Variants in CPA6 observed in about 807,000 individuals in gnomAD.
The protein encoded by CPA6 is carboxypeptidase A6, also known as carboxypeptidase B.
CPA6 carries 58 observed loss-of-function variants against 63.3 expected under a neutral mutation model. The ratio of observed to expected loss-of-function variants is 0.92; its 90% CI spans 0.74 to 1.14. The LOEUF (loss-of-function observed/expected upper bound fraction) is 1.14, where lower values mean the gene tolerates loss of function less well. Among genes scored for constraint, CPA6 ranks in the 50% most tolerant of loss-of-function variants. The pLI, the probability that CPA6 is intolerant of heterozygous loss-of-function variation, is 0.00. For synonymous variants in CPA6, 185 were observed against 179.0 expected, an observed-to-expected ratio of 1.03 and a Z score of -0.27; for missense variants, 565 against 526.6, an observed-to-expected ratio of 1.07 and a Z score of -0.71.
At position 67,434,053 on chromosome 8, in the gene CPA6, G is replaced by C. The variant is rs372964579; in HGVS notation, c.1026C>G (p.Pro342=). The C allele has an allele frequency of 1.6e-4, 262 of 1,611,008 alleles. No individual in the cohort carries two copies. The highest frequency in any genetic ancestry group is 2.1e-4 in the Non-Finnish European group (249 of 1,178,146). Reference sequence around the variant, plus strand: ...AAATACTTACCACACATCTAAAATTGGGAATTGTTGCATATTTGTAAGAAT... The same window carrying C: ...AAATACTTACCACACATCTAAAATTCGGAATTGTTGCATATTTGTAAGAAT... The part of the protein sequence containing the change: ...YPYSYKYATI[P]NFRCVESAAY... Residue 342 remains proline, a synonymous_variant, in exon 9 of 11, where the codon CCC becomes CCG. Transcript: ENST00000297770.
At chr8:67,442,550 A>G (rs1234264787) in intron 8 of CPA6, among the ~76,000 whole-genome samples, 1 of 152,200 alleles carries the variant, frequency 6.6e-6, no homozygotes, top group African/African-American at 2.4e-5. Context: ...AATATCAACA[A>G]AAGTATAAAG....
intron 1 of CPA6, among the ~76,000 whole-genome samples, chr8:67,691,016 C>T (rs543930187): frequency 4.6e-5 from 7 of 152,254 alleles, no homozygotes; most frequent in East Asian, 1.9e-4. Flanking sequence ...CATTCCCTGA[C>T]GGAAAACTTT....
chr8:67,447,468 T>C (rs960750005), intron 8 of CPA6, among the ~76,000 whole-genome samples: 13 of 151,194 alleles, frequency 8.6e-5, no homozygotes, highest in African/African-American at 3.2e-4. Context: ...GACAGACTTA[T>C]AGGAATAGGG....
chr8:67,451,538 TATAA>T (rs1810558163), intron 8 of CPA6, among the ~76,000 whole-genome samples: 1 of 152,180 alleles, frequency 6.6e-6, no homozygotes, highest in Non-Finnish European at 1.5e-5. Flanking sequence ...GTAGTAATAA[TATAA>T]ATAAAGTGCA....
intron 1 of CPA6, among the ~76,000 whole-genome samples, chr8:67,714,960 C>G (rs987057382): frequency 2.0e-5 from 3 of 152,208 alleles, no homozygotes; most frequent in South Asian, 2.1e-4. Flanking sequence ...AAGGAGCTAT[C>G]ATAGGCTTCC....
chr8:67,582,544 A>G (rs1207918105), intron 2 of CPA6, among the ~76,000 whole-genome samples: 1 of 152,232 alleles, frequency 6.6e-6, no homozygotes, highest in African/African-American at 2.4e-5. Context: ...TGTGTAATGC[A>G]TGGCTATGAA....
intron 1 of CPA6, among the ~76,000 whole-genome samples, chr8:67,739,617 T>G (rs1410348311): frequency 6.6e-6 from 1 of 152,192 alleles, no homozygotes; most frequent in Non-Finnish European, 1.5e-5. Flanking sequence ...TTGCTTTGTT[T>G]ATTCAGGGTG....
intron 1 of CPA6, among the ~76,000 whole-genome samples, chr8:67,744,026 G>T (rs1051096942): frequency 1.3e-5 from 2 of 152,164 alleles, no homozygotes; most frequent in South Asian, 2.1e-4. Flanking sequence ...TCAGATTCTT[G>T]TTCACCGGAA....
chr8:67,438,085 T>C (rs1461328071), intron 8 of CPA6, among the ~76,000 whole-genome samples: 1 of 152,132 alleles, frequency 6.6e-6, no homozygotes, highest in Non-Finnish European at 1.5e-5. Flanking sequence ...ACCTGGCTAG[T>C]TTTTGTATTT....
At chr8:67,677,457 T>C (rs1474331141) in intron 1 of CPA6, among the ~76,000 whole-genome samples, 1 of 151,510 alleles carries the variant, frequency 6.6e-6, no homozygotes, top group African/African-American at 2.4e-5. Flanking sequence ...CTTACAACAG[T>C]AGTTATCAAG....
intron 8 of CPA6, among the ~76,000 whole-genome samples, chr8:67,434,991 G>T (rs1810116536): frequency 6.6e-6 from 1 of 152,244 alleles, no homozygotes; most frequent in Non-Finnish European, 1.5e-5. Flanking sequence ...GGTCCAGGGA[G>T]TGTGGAGAGC....
intron 1 of CPA6, among the ~76,000 whole-genome samples, chr8:67,648,518 CA>C (rs1815766487): frequency 6.6e-6 from 1 of 152,096 alleles, no homozygotes; most frequent in South Asian, 2.1e-4. Context: ...CATTGCAAAG[CA>C]GCTTGGGTTT....
At chr8:67,614,133 G>A (rs1361382375) in intron 2 of CPA6, among the ~76,000 whole-genome samples, 2 of 152,192 alleles carry the variant, frequency 1.3e-5, no homozygotes, top group African/African-American at 4.8e-5. Context: ...AAGGCAGAGG[G>A]ACCATTGAGC....
rs1211323183 is a variant in CPA6 at position 67,733,196 on chromosome 8, C to CAAAAAAAAAA, written c.116+12808_116+12817dup. Among the ~76,000 whole-genome samples, 42 of 14,886 alleles carry CAAAAAAAAAA rather than the reference C, an allele frequency of 2.8e-3. 4 individuals are homozygous for CAAAAAAAAAA. The highest frequency in any genetic ancestry group is 7.1e-3 in the African/African-American group (34 of 4,758). The allele number at this position is 14,886 out of a possible 152,430, so 9.8% of individuals were successfully genotyped here. ...TGGGCTACAGAGCGAGACTCCATCT[C>CAAAAAAAAAA]AAAAAAAAAAAAAAAAAAAAAAAAA... On this transcript the variant is annotated intron_variant, in intron 1 of 10. Coordinates refer to ENST00000297770, the MANE Select transcript of CPA6 (RefSeq NM_020361.5).
intron 1 of CPA6, among the ~76,000 whole-genome samples, chr8:67,703,784 G>A (rs1190614941): frequency 6.6e-6 from 1 of 152,162 alleles, no homozygotes; most frequent in Non-Finnish European, 1.5e-5. Context: ...CCCCAGCTCT[G>A]CCAGCTCCTT....
In CPA6 at chr8:67,574,570, C is replaced by T. The variant is rs531332639; in HGVS notation, c.192+49606G>A. Among the ~76,000 whole-genome samples the T allele has an allele frequency of 2.4e-3, 367 of 152,142 alleles. 2 individuals carry two copies. Among genetic ancestry groups the T allele is most frequent in the Non-Finnish European group, 4.3e-3 (291 of 67,982 alleles). The stretch of plus-strand genomic sequence containing the variant: ...TTGACCAATGGAACAGAACAGAAAT[C>T]ATAGAAATGAATCTGTTCCTCTATG... On this transcript the variant is annotated intron_variant, in intron 2 of 10. Coordinates refer to ENST00000297770, the MANE Select transcript of CPA6 (RefSeq NM_020361.5).
chr8:67,467,886 TA>T (rs539603315), intron 8 of CPA6, among the ~76,000 whole-genome samples: 25,561 of 109,698 alleles, frequency 0.23, 2,447 homozygotes, highest in Middle Eastern at 0.31. Context: ...AAACCCCGTC[TA>T]AAAAAAAAAA....
intron 1 of CPA6, among the ~76,000 whole-genome samples, chr8:67,692,569 ATCT>A (rs1182986529): frequency 2.0e-5 from 3 of 152,212 alleles, no homozygotes; most frequent in Admixed American, 2.0e-4. Flanking sequence ...AGTGAAGTTT[ATCT>A]TTCTTGCTAT....
chr8:67,446,715 T>G (rs1300393786), intron 8 of CPA6, among the ~76,000 whole-genome samples: 1 of 152,216 alleles, frequency 6.6e-6, no homozygotes, highest in Non-Finnish European at 1.5e-5. Flanking sequence ...TCACTTTCAA[T>G]GTTTTTCATT....
Sources: gnomAD v4.1 joint callset for allele counts (sites outside exome capture counted in the v4.1 genomes callset) on GRCh38, gnomAD v4.1.1 for gene constraint, MANE v1.5 for transcripts, NCBI Gene and HGNC (gene_info 2026-07-23, HGNC 2026-07-21) for gene names.